Variants in DEPDC5 observed in about 807,000 individuals in gnomAD.
DEPDC5 encodes the protein GATOR1 complex protein DEPDC5.
DEPDC5 carries 73 observed loss-of-function variants against 217.3 expected under a neutral mutation model. The observed-to-expected ratio is 0.34, with a 90% confidence interval of 0.28 to 0.41. The LOEUF is 0.41. Ranked by LOEUF, DEPDC5 falls within the 10% of genes least tolerant of loss-of-function variation. The pLI is 1.00. For missense variants in DEPDC5, 1,675 were observed against 2,070.1 expected, an observed-to-expected ratio of 0.81 and a Z score of 3.70; for synonymous variants, 733 against 756.7, an observed-to-expected ratio of 0.97 and a Z score of 0.51.
In DEPDC5 at chr22:31,814,777, T is replaced by C. The variant is rs10483161; in HGVS notation, c.1446-215T>C. 50,524 of 578,446 alleles carry C rather than the reference T, an allele frequency of 0.087. 2,681 individuals are homozygous for C. The highest frequency in any genetic ancestry group is 0.18 in the South Asian group (8,655 of 49,054). The allele number at this position is 578,446 out of a possible 1,614,324, so 35.8% of individuals were successfully genotyped here. A position where few individuals can be genotyped will look rare whatever the true frequency, so the allele number is the denominator to read the frequency against. ...CTTTACAACTATGATCCTAGGACTT[T>C]GGCTGCATAATGTCTGTCATTTCCC... is the stretch of plus-strand genomic sequence containing the variant. On this transcript the variant is annotated intron_variant, in intron 20 of 42. Coordinates refer to ENST00000651528, the MANE Select transcript of DEPDC5 (RefSeq NM_001242896.3).
At chr22:31,893,860 A>G (rs1480969963) in intron 39 of DEPDC5, 109 bp downstream of exon 39, 37 of 1,243,136 alleles carry the variant, frequency 3.0e-5, no homozygotes, top group African/African-American at 2.3e-4. Context: ...GGCTCTTATT[A>G]CCATTCATCG....
intron 40 of DEPDC5, 107 bp from the exon 41 acceptor site, chr22:31,901,635 T>C (rs144816322): frequency 1.1e-6 from 1 of 946,840 alleles, no homozygotes; most frequent in Non-Finnish European, 1.6e-6. Flanking sequence ...GAGGTTAGGC[T>C]CAAGGGGACT....
At chr22:31,866,203 G>A (rs1051687625) in intron 33 of DEPDC5, among the ~76,000 whole-genome samples, 1 of 152,078 alleles carries the variant, frequency 6.6e-6, no homozygotes, top group African/African-American at 2.4e-5. Flanking sequence ...GCCAGAAAGT[G>A]GGGGGAAATT....
intron 41 of DEPDC5, among the ~76,000 whole-genome samples, chr22:31,905,221 CA>C (rs1182303132): frequency 1.3e-5 from 2 of 151,830 alleles, no homozygotes; most frequent in Non-Finnish European, 2.9e-5. Context: ...CTCGCCCTGT[CA>C]CCCAGGCTGG....
intron 24 of DEPDC5, among the ~76,000 whole-genome samples, chr22:31,833,626 A>G (rs2090767960): frequency 6.6e-6 from 1 of 152,188 alleles, no homozygotes; most frequent in South Asian, 2.1e-4. Context: ...TGACTTTGAA[A>G]TGTGTCCGTT....
Position 31,845,122 on chromosome 22 carries a change from A to G in DEPDC5, c.2906A>G (p.Tyr969Cys), listed in dbSNP as rs2091649368. The G allele has an allele frequency of 1.2e-6, 2 of 1,614,150 alleles. No individual in the cohort carries two copies. Among genetic ancestry groups the G allele is most frequent in the Non-Finnish European group, 1.7e-6 (2 of 1,180,014 alleles). Reference protein sequence around the residue: ...ITEGEAHCDIYGDRPRADEDE... With the variant: ...ITEGEAHCDICGDRPRADEDE... ...GAGGGGGAGGCCCACTGCGACATCT[A>G]TGGGGACAGGCCCCGTGCAGACGAG... Residue 969 changes from tyrosine to cysteine, a missense_variant, in exon 30 of 43, where the codon TAT becomes TGT. Coordinates refer to ENST00000651528, the MANE Select transcript of DEPDC5 (RefSeq NM_001242896.3).
intron 14 of DEPDC5, among the ~76,000 whole-genome samples, chr22:31,802,343 T>C (rs905617871): frequency 2.0e-5 from 3 of 152,094 alleles, no homozygotes; most frequent in African/African-American, 7.2e-5. Context: ...TTGGCCAGGC[T>C]GGTCTCAAAC....
chr22:31,861,665 G>A (rs2092519231), intron 33 of DEPDC5, among the ~76,000 whole-genome samples: 3 of 152,210 alleles, frequency 2.0e-5, no homozygotes, highest in Admixed American at 6.5e-5. Context: ...GATGACTCAA[G>A]TGTTTCTCAT....
At chr22:31,845,668 T>C (rs111449471) in intron 30 of DEPDC5, among the ~76,000 whole-genome samples, 13 of 152,274 alleles carry the variant, frequency 8.5e-5, no homozygotes, top group African/African-American at 2.9e-4. Context: ...AGACTCAGGC[T>C]TCTGGGGGTT....
At chr22:31,891,192 C>T (rs1426481236) in intron 38 of DEPDC5, 2 of 586,806 alleles carry the variant, frequency 3.4e-6, no homozygotes, top group Non-Finnish European at 6.5e-6. Context: ...TACTAGGGCT[C>T]TGCCTTTTGG....
intron 23 of DEPDC5, among the ~76,000 whole-genome samples, chr22:31,822,262 T>C (rs562621430): frequency 6.6e-4 from 101 of 152,314 alleles, no homozygotes; most frequent in African/African-American, 2.3e-3. Flanking sequence ...CAAAATGCAG[T>C]CTTTGGCCCC....
chr22:31,760,787 G>A (rs2082322910), intron 4 of DEPDC5, 85 bp downstream of exon 4: 1 of 1,114,496 alleles, frequency 9.0e-7, no homozygotes, highest in Admixed American at 2.5e-5. Context: ...TTCAAGGGAT[G>A]AGGGCAAGTA....
At chr22:31,905,871 C>A in intron 41 of DEPDC5, 113 bp from the exon 42 acceptor site, 1 of 934,910 alleles carries the variant, frequency 1.1e-6, no homozygotes, top group Non-Finnish European at 1.6e-6. Flanking sequence ...GGAAAGAGAT[C>A]TTTCCAGATC....
At chr22:31,796,291 G>T (rs1293803100) in intron 12 of DEPDC5, among the ~76,000 whole-genome samples, 1 of 151,590 alleles carries the variant, frequency 6.6e-6, no homozygotes, top group Non-Finnish European at 1.5e-5. Flanking sequence ...TTTTAGTGGA[G>T]ACAGGGTTTC....
In DEPDC5 at chr22:31,879,591, G is replaced by A. The variant is rs759266712; in HGVS notation, c.3872G>A (p.Arg1291His). 35 of 1,613,606 alleles carry A rather than the reference G, an allele frequency of 2.2e-5. No individual in the cohort carries two copies. Among genetic ancestry groups the A allele is most frequent in the South Asian group, 9.9e-5 (9 of 91,086 alleles). ...GTGGACGACTTCGCCAGCTTCCAGCGCAAGTGGTTTGAGGTGGCCTTTGTG... is the reference window on the plus strand; with the variant it reads ...GTGGACGACTTCGCCAGCTTCCAGCACAAGTGGTTTGAGGTGGCCTTTGTG... ...AGVDDFASFQRKWFEVAFVAE... is the reference protein window; with the variant it reads ...AGVDDFASFQHKWFEVAFVAE... The change falls in exon 38 of 43, where the codon CGC (arginine) becomes CAC (histidine). Residue 1291 changes from arginine to histidine, a missense_variant. Transcript: ENST00000651528.
intron 2 of DEPDC5, among the ~76,000 whole-genome samples, chr22:31,755,718 T>C (rs5998115): frequency 0.16 from 24,848 of 152,060 alleles, 2,104 homozygotes; most frequent in African/African-American, 0.2. Context: ...CTCTCCTTAG[T>C]GCCTTGAATC....
At chr22:31,798,123 G>A (rs5994429) in intron 13 of DEPDC5, among the ~76,000 whole-genome samples, 5,190 of 152,060 alleles carry the variant, frequency 0.034, 273 homozygotes, top group African/African-American at 0.11. Flanking sequence ...GAGTCTCGCT[G>A]TGTTGACCAG....
chr22:31,892,770 A>T (rs1019661481), intron 38 of DEPDC5, among the ~76,000 whole-genome samples: 1 of 151,340 alleles, frequency 6.6e-6, no homozygotes, highest in Non-Finnish European at 1.5e-5. Context: ...CCCCAGACGG[A>T]GTAGTCCATT....
At chr22:31,808,242 C>T (rs2087791169) in intron 18 of DEPDC5, among the ~76,000 whole-genome samples, 1 of 151,092 alleles carries the variant, frequency 6.6e-6, no homozygotes, top group African/African-American at 2.4e-5. Flanking sequence ...ACTACAGGCA[C>T]ATGCCACCAT....
Sources: gnomAD v4.1 joint callset for allele counts (sites outside exome capture counted in the v4.1 genomes callset) on GRCh38, gnomAD v4.1.1 for gene constraint, MANE v1.5 for transcripts, NCBI Gene and HGNC (gene_info 2026-07-23, HGNC 2026-07-21) for gene names.